Variants in FRMD5 observed in about 807,000 individuals in gnomAD.
FRMD5 encodes the protein FERM domain containing 5, also known as FERM domain-containing protein 5.
FRMD5 carries 20 observed loss-of-function variants against 69.0 expected under a neutral mutation model. That is an observed-to-expected ratio of 0.29 (90% confidence interval 0.20 to 0.42). The LOEUF (loss-of-function observed/expected upper bound fraction) is 0.42, where lower values mean the gene tolerates loss of function less well. Among genes scored for constraint, FRMD5 ranks in the 10% least tolerant of loss-of-function variants. The probability of loss-of-function intolerance (pLI) is 1.00; values close to 1 mark genes in which losing one functional copy is unlikely to be tolerated. For synonymous variants in FRMD5, 271 were observed against 260.1 expected (o/e 1.04, Z -0.40); for missense variants, 595 against 708.6 (o/e 0.84, Z 1.82).
In FRMD5 at chr15:44,148,518, G is replaced by A. The variant is rs769227430; in HGVS notation, c.102+46435C>T. ...TATCTCCTGACCTCATGATCCGCCCGCCTCGGCCTCCCAAAGTGCTGGGAT... is the reference window on the plus strand; with the variant it reads ...TATCTCCTGACCTCATGATCCGCCCACCTCGGCCTCCCAAAGTGCTGGGAT... On this transcript the variant is annotated intron_variant, in intron 1 of 13. Coordinates refer to ENST00000417257, the MANE Select transcript of FRMD5 (RefSeq NM_032892.5). Among the ~76,000 whole-genome samples the A allele has an allele frequency of 3.0e-4, 45 of 152,042 alleles. 1 individual carries two copies. The highest frequency in any genetic ancestry group is 1.6e-4 in the Non-Finnish European group (11 of 68,004).
At chr15:44,121,279 TG>T (rs1275715290) in intron 1 of FRMD5, among the ~76,000 whole-genome samples, 4 of 25,212 alleles carry the variant, frequency 1.6e-4, no homozygotes, top group South Asian at 1.9e-3. Context: ...GGCAGGGGGG[TG>T]GGAGGGGGAG....
chr15:44,134,398 G>A (rs2077151719), intron 1 of FRMD5, among the ~76,000 whole-genome samples: 1 of 152,142 alleles, frequency 6.6e-6, no homozygotes, highest in Non-Finnish European at 1.5e-5. Flanking sequence ...GAGAATAAGG[G>A]TGTGGTAATT....
chr15:43,988,757 G>C (rs1230868622), intron 1 of FRMD5, among the ~76,000 whole-genome samples: 1 of 152,174 alleles, frequency 6.6e-6, no homozygotes, highest in Admixed American at 6.5e-5. Flanking sequence ...TCTCCTTAGA[G>C]AGAAGTGGGG....
At chr15:44,109,188 C>T (rs1011049007) in intron 1 of FRMD5, among the ~76,000 whole-genome samples, 9 of 151,960 alleles carry the variant, frequency 5.9e-5, no homozygotes, top group African/African-American at 2.2e-4. Context: ...GGTCTCATCA[C>T]ATTAACTATG....
intron 1 of FRMD5, among the ~76,000 whole-genome samples, chr15:44,102,780 T>G (rs766199099): frequency 3.9e-5 from 6 of 152,186 alleles, no homozygotes; most frequent in Non-Finnish European, 8.8e-5. Context: ...ACTGACTCAC[T>G]TGGGAATCAC....
At chr15:44,064,265 G>A (rs890465) in intron 1 of FRMD5, 132,294 of 159,146 alleles carry the variant, frequency 0.83, 57,803 homozygotes, top group Non-Finnish European at 0.95. Flanking sequence ...GCTATCTAGA[G>A]AAACCTGGCA....
At chr15:43,985,065 G>A (rs1391302645) in intron 1 of FRMD5, among the ~76,000 whole-genome samples, 1 of 151,538 alleles carries the variant, frequency 6.6e-6, no homozygotes, top group Non-Finnish European at 1.5e-5. Flanking sequence ...CAGATCACGA[G>A]GTCAGGAGAT....
chr15:44,013,910 G>A (rs1440722711), intron 1 of FRMD5, among the ~76,000 whole-genome samples: 3 of 149,604 alleles, frequency 2.0e-5, no homozygotes, highest in Non-Finnish European at 4.4e-5. Flanking sequence ...AGGCTGGAGT[G>A]CAGTGCTGCG....
chr15:44,103,359 C>A (rs2076668491), intron 1 of FRMD5, among the ~76,000 whole-genome samples: 2 of 152,096 alleles, frequency 1.3e-5, no homozygotes, highest in Middle Eastern at 3.2e-3. Flanking sequence ...AAAAATCATT[C>A]TATTCAAATT....
upstream of FRMD5, among the ~76,000 whole-genome samples, chr15:44,196,133 C>T (rs945680896): frequency 6.6e-6 from 1 of 152,120 alleles, no homozygotes; most frequent in Non-Finnish European, 1.5e-5. Context: ...GAGATATTCT[C>T]CCTCAAAGAT....
chr15:44,015,760 A>G (rs916613512), intron 1 of FRMD5, among the ~76,000 whole-genome samples: 1 of 152,236 alleles, frequency 6.6e-6, no homozygotes, highest in Non-Finnish European at 1.5e-5. Context: ...TGTTCATTAA[A>G]TGAGAAAGGT....
At chr15:43,875,821 T>TTTTTTTC in intron 13 of FRMD5, 1 of 381,226 alleles carries the variant, frequency 2.6e-6, no homozygotes, top group Non-Finnish European at 4.8e-6. Flanking sequence ...TTTTTTTTTT[T>TTTTTTTC]TTTTTTCTTT....
intron 1 of FRMD5, among the ~76,000 whole-genome samples, chr15:43,971,425 C>T (rs371803804): frequency 9.2e-5 from 14 of 151,736 alleles, no homozygotes; most frequent in East Asian, 3.9e-4. Context: ...CTGCCTGGTG[C>T]GGTGGCTCAC....
chr15:43,977,882 G>A (rs1338221242), intron 1 of FRMD5, among the ~76,000 whole-genome samples: 4 of 151,896 alleles, frequency 2.6e-5, no homozygotes, highest in South Asian at 2.1e-4. Flanking sequence ...GGTCAACCTC[G>A]CCCATACCTT....
chr15:44,149,735 C>T (rs1025987560), intron 1 of FRMD5, among the ~76,000 whole-genome samples: 8 of 151,958 alleles, frequency 5.3e-5, no homozygotes, highest in Non-Finnish European at 1.2e-4. Flanking sequence ...AATAACAGAC[C>T]ATCAAAATAT....
chr15:43,873,562 A>ACTT lies in FRMD5; in HGVS notation c.*320_*322dup. On this transcript the variant is annotated 3_prime_UTR_variant, in exon 14 of 14. Transcript: ENST00000417257. ...GTAAAATAAATTATTTTTATTTGAT[A>ACTT]CTTCAAAATAATATACATCTATGAA... 7.2e-7 allele frequency: 1 copy of ACTT among 1,390,594 alleles called. No homozygotes were observed. The highest frequency in any genetic ancestry group is 9.3e-7 in the Non-Finnish European group (1 of 1,070,532). The allele number at this position is 1,390,594 out of a possible 1,614,324, so 86.1% of individuals were successfully genotyped here.
chr15:43,877,434 C>T (rs2088393743), intron 13 of FRMD5, among the ~76,000 whole-genome samples: 1 of 152,214 alleles, frequency 6.6e-6, no homozygotes, highest in South Asian at 2.1e-4. Context: ...TCTTCCTTGG[C>T]TCCCTCATGG....
intron 1 of FRMD5, among the ~76,000 whole-genome samples, chr15:44,153,706 C>T (rs969886427): frequency 1.3e-5 from 2 of 152,244 alleles, no homozygotes; most frequent in East Asian, 1.9e-4. Context: ...TGGTGGCTCA[C>T]GCCCATAATC....
intron 1 of FRMD5, among the ~76,000 whole-genome samples, chr15:44,039,384 C>A: frequency 6.6e-6 from 1 of 152,222 alleles, no homozygotes. Context: ...CTGGAAGACA[C>A]CTCCCAGTAG....
Sources: allele counts gnomAD v4.1 joint callset (sites outside exome capture counted in the v4.1 genomes callset), GRCh38; gene constraint gnomAD v4.1.1; transcripts MANE v1.5; gene names NCBI Gene and HGNC (gene_info 2026-07-23, HGNC 2026-07-21).